Variants in IPO5 observed in about 807,000 individuals in gnomAD.
IPO5 encodes the protein importin 5.
A neutral mutation model predicts 143.3 loss-of-function variants in IPO5; 18 were observed. The ratio of observed to expected loss-of-function variants is 0.13; its 90% CI spans 0.09 to 0.19. The LOEUF is 0.19. Among genes scored for constraint, IPO5 ranks in the 10% least tolerant of loss-of-function variants. The probability of loss-of-function intolerance (pLI) is 1.00; values close to 1 mark genes in which losing one functional copy is unlikely to be tolerated. For synonymous variants in IPO5, 477 were observed against 465.7 expected (o/e 1.02, Z -0.31); for missense variants, 1,013 against 1,336.9 (o/e 0.76, Z 3.78).
chr13:97,982,735 TTATAA>T, intron 5 of IPO5, 152 bp downstream of exon 5: 1 of 617,092 alleles, frequency 1.6e-6, no homozygotes, highest in Non-Finnish European at 2.8e-6. Flanking sequence ...TACTTAGGAG[TTATAA>T]TGTAATTTTT....
At chr13:97,955,484 G>A (rs989810116) in intron 2 of IPO5, among the ~76,000 whole-genome samples, 1 of 152,038 alleles carries the variant, frequency 6.6e-6, no homozygotes, top group African/African-American at 2.4e-5. Context: ...GAAAATGAGC[G>A]GGGAAAACAC....
chr13:97,988,029 G>T, intron 6 of IPO5: 1 of 283,726 alleles, frequency 3.5e-6, no homozygotes, highest in South Asian at 2.9e-5. Context: ...TGTCAGCTTA[G>T]CAGCACAATT....
chr13:97,997,233 T>C (rs956504027), intron 11 of IPO5, among the ~76,000 whole-genome samples: 11 of 152,190 alleles, frequency 7.2e-5, no homozygotes, highest in African/African-American at 2.2e-4. Context: ...AAAAAACAAT[T>C]GCGGAATGAG....
At chr13:97,995,171 C>CT (rs1888147582) in intron 11 of IPO5, among the ~76,000 whole-genome samples, 1 of 142,966 alleles carries the variant, frequency 7.0e-6, no homozygotes, top group Admixed American at 6.9e-5. Flanking sequence ...TTCATTCTTT[C>CT]TTTCTTTGTT....
intron 3 of IPO5, among the ~76,000 whole-genome samples, chr13:97,973,664 T>A (rs1445125779): frequency 1.3e-5 from 2 of 152,232 alleles, no homozygotes; most frequent in African/African-American, 4.8e-5. Context: ...AATGTTAAAA[T>A]AAGGCTGGGC....
intron 26 of IPO5, 35 bp downstream of exon 26, chr13:98,018,739 C>A: frequency 6.7e-7 from 1 of 1,487,330 alleles, no homozygotes; most frequent in Non-Finnish European, 9.4e-7. Flanking sequence ...GCATTTCATT[C>A]CAGACATCCT....
chr13:98,016,700 ATGAG>A, intron 24 of IPO5, 25 bp from the exon 25 acceptor site: 1 of 1,203,744 alleles, frequency 8.3e-7, no homozygotes, highest in Non-Finnish European at 1.1e-6. Flanking sequence ...TTTAATCCAT[ATGAG>A]TGTTTATGTG....
At chr13:97,983,022 C>T (rs1317157687) in intron 5 of IPO5, among the ~76,000 whole-genome samples, 7 of 152,164 alleles carry the variant, frequency 4.6e-5, no homozygotes, top group African/African-American at 7.2e-5. Context: ...AGGCGTGCGC[C>T]ACCACACCTG....
chr13:97,977,696 A>G lies in IPO5; in HGVS notation c.90+910A>G, dbSNP rs1284738834. On this transcript the variant is annotated intron_variant, in intron 4 of 28. Transcript: ENST00000651721. ...ATCTGTAAGCTCATTTACCAAGTTC[A>G]CTAGAAGACTGATGTTACATTTTCA... Among the ~76,000 whole-genome samples, 4 of 152,266 alleles carry G rather than the reference A, an allele frequency of 2.6e-5. No individual in the cohort carries two copies. In the South Asian group the frequency reaches 6.2e-4, roughly 24 times the overall value.
intron 3 of IPO5, among the ~76,000 whole-genome samples, chr13:97,970,352 G>T (rs559018017): frequency 7.9e-5 from 12 of 152,252 alleles, no homozygotes; most frequent in African/African-American, 2.6e-4. Context: ...CAGGCTCAGT[G>T]GCTCACGCCT....
At position 97,997,526 on chromosome 13, in the gene IPO5, T is replaced by C; in HGVS notation, c.914-5T>C. ...CTTCGGGTATGAAATAATTGTTTAC[T>C]TTAGTTCCTCAGATGTTAGCAATGA... is the stretch of plus-strand genomic sequence containing the variant. On this transcript the variant is annotated splice_polypyrimidine_tract_variant and splice_region_variant and intron_variant, in intron 11 of 28. Transcript: ENST00000651721. The C allele has an allele frequency of 6.4e-7, 1 of 1,564,470 alleles. No homozygotes were observed. The highest frequency in any genetic ancestry group is 2.2e-5 in the East Asian group (1 of 44,536).
intron 9 of IPO5, among the ~76,000 whole-genome samples, chr13:97,990,738 A>G (rs1439466257): frequency 2.0e-5 from 3 of 152,144 alleles, no homozygotes; most frequent in South Asian, 2.1e-4. Context: ...TACAATATTT[A>G]TAGTTATAAA....
intron 12 of IPO5, among the ~76,000 whole-genome samples, chr13:97,998,317 A>G (rs1279003266): frequency 6.6e-6 from 1 of 152,090 alleles, no homozygotes; most frequent in Non-Finnish European, 1.5e-5. Flanking sequence ...ATTATTTCCA[A>G]GTTTTTTGTT....
At chr13:98,019,375 A>G (rs1464643857) in intron 26 of IPO5, among the ~76,000 whole-genome samples, 1 of 152,250 alleles carries the variant, frequency 6.6e-6, no homozygotes, top group Non-Finnish European at 1.5e-5. Flanking sequence ...TCTCTAAGTT[A>G]GTAGAGGGCT....
chr13:97,962,720 G>A (rs1276365096), intron 2 of IPO5, among the ~76,000 whole-genome samples: 2 of 151,960 alleles, frequency 1.3e-5, no homozygotes, highest in Non-Finnish European at 2.9e-5. Context: ...TCAGGAGGCT[G>A]AGGCACAAGA....
intron 5 of IPO5, among the ~76,000 whole-genome samples, chr13:97,984,573 G>A (rs568643493): frequency 6.6e-6 from 1 of 151,594 alleles, no homozygotes; most frequent in East Asian, 1.9e-4. Context: ...TTAAATATTT[G>A]TAAAGGTTTC....
intron 13 of IPO5, 86 bp from the exon 14 acceptor site, chr13:98,002,381 A>G: frequency 7.4e-7 from 1 of 1,347,446 alleles, no homozygotes; most frequent in Non-Finnish European, 1.0e-6. Context: ...CTCTTTTCCA[A>G]ATAAGAACTT....
chr13:98,021,594 T>C, intron 28 of IPO5, 142 bp from the exon 29 acceptor site: 1 of 441,490 alleles, frequency 2.3e-6, no homozygotes, highest in East Asian at 3.2e-5. Flanking sequence ...AACAGATTTC[T>C]TGCTTTTACA....
intron 21 of IPO5, among the ~76,000 whole-genome samples, chr13:98,013,205 G>A (rs1594124721): frequency 2.6e-5 from 4 of 152,012 alleles, no homozygotes; most frequent in South Asian, 2.1e-4. Context: ...ACAGACATGC[G>A]CTACCATGCC....
Sources: gnomAD v4.1 joint callset for allele counts (sites outside exome capture counted in the v4.1 genomes callset) on GRCh38, gnomAD v4.1.1 for gene constraint, MANE v1.5 for transcripts, NCBI Gene and HGNC (gene_info 2026-07-23, HGNC 2026-07-21) for gene names.